MARCHF5: variants seen among roughly 807,000 people sequenced by gnomAD.
MARCHF5 encodes membrane associated ring-CH-type finger 5, also known as E3 ubiquitin-protein ligase MARCHF5.
Under a neutral mutation model 36.5 loss-of-function variants are expected in MARCHF5, and 5 were observed. The ratio of observed to expected loss-of-function variants is 0.14; its 90% CI spans 0.07 to 0.29. MARCHF5 has a LOEUF of 0.29. Among genes scored for constraint, MARCHF5 ranks in the 10% least tolerant of loss-of-function variants. MARCHF5 has a pLI of 1.00. For synonymous variants in MARCHF5, 103 were observed against 109.9 expected (o/e 0.94, Z 0.39); for missense variants, 179 against 336.3 (o/e 0.53, Z 3.66).
intron 3 of MARCHF5, among the ~76,000 whole-genome samples, chr10:92,347,291 C>T (rs971149777): frequency 4.6e-5 from 7 of 152,250 alleles, no homozygotes; most frequent in African/African-American, 1.7e-4. Context: ...CGAGACCAAC[C>T]TGGCTAACGT....
chr10:92,347,664 T>C (rs1344436033), intron 3 of MARCHF5, among the ~76,000 whole-genome samples: 1 of 152,190 alleles, frequency 6.6e-6, no homozygotes, highest in Non-Finnish European at 1.5e-5. Context: ...CCAGACCATT[T>C]CACTTTAGGG....
At position 92,353,228 on chromosome 10, in the gene MARCHF5, T is replaced by G. The variant is rs945554783; in HGVS notation, c.*2021T>G. The G allele has an allele frequency of 1.3e-5, 2 of 152,146 alleles. No individual in the cohort carries two copies. Among genetic ancestry groups the G allele is most frequent in the African/African-American group, 4.8e-5 (2 of 41,418 alleles). 9.4% of individuals were successfully genotyped at this position (152,146 alleles called of 1,614,324 possible). ...ACACTTTTAAACCTAAAGAGCCTTA[T>G]TATTATTAGCTCGAGAAATACCACA... On this transcript the variant is annotated 3_prime_UTR_variant, in exon 6 of 6. Transcript: ENST00000358935.
intron 1 of MARCHF5, among the ~76,000 whole-genome samples, chr10:92,301,272 C>T (rs1843008544): frequency 6.6e-6 from 1 of 152,194 alleles, no homozygotes; most frequent in African/African-American, 2.4e-5. Context: ...GGATTTGCCT[C>T]TCTGGAGGAA....
intron 1 of MARCHF5, among the ~76,000 whole-genome samples, chr10:92,292,143 C>T (rs1842882800): frequency 6.6e-6 from 1 of 150,712 alleles, no homozygotes; most frequent in African/African-American, 2.4e-5. Flanking sequence ...CAACGCTGAA[C>T]ATTTAGTGTA....
At chr10:92,295,403 A>ATTT (rs1218569309) in intron 1 of MARCHF5, among the ~76,000 whole-genome samples, 2 of 67,584 alleles carry the variant, frequency 3.0e-5, no homozygotes, top group Non-Finnish European at 6.4e-5. Flanking sequence ...TTATTTATTT[A>ATTT]TTTATTTTTT....
chr10:92,292,637 A>G (rs1279054161), intron 1 of MARCHF5, among the ~76,000 whole-genome samples: 1 of 152,236 alleles, frequency 6.6e-6, no homozygotes, highest in African/African-American at 2.4e-5. Context: ...CTCAGTTAAT[A>G]GGAATTATGT....
intron 1 of MARCHF5, among the ~76,000 whole-genome samples, chr10:92,302,947 A>G (rs890084696): frequency 4.6e-5 from 7 of 152,178 alleles, no homozygotes; most frequent in Admixed American, 1.3e-4. Context: ...TCACTCTTCT[A>G]TTCTGCTACA....
intron 2 of MARCHF5, among the ~76,000 whole-genome samples, chr10:92,318,332 G>A (rs1357016536): frequency 1.3e-5 from 2 of 151,458 alleles, no homozygotes; most frequent in Admixed American, 6.6e-5. Flanking sequence ...AGGCTGAGGC[G>A]CTAGAATCAC....
At chr10:92,340,955 A>G in intron 3 of MARCHF5, 152 bp downstream of exon 3, 1 of 648,782 alleles carries the variant, frequency 1.5e-6, no homozygotes, top group Non-Finnish European at 2.4e-6. Flanking sequence ...TCTTTACCCA[A>G]AAAGGAGCAT....
chr10:92,300,843 C>G (rs1055328038), intron 1 of MARCHF5, among the ~76,000 whole-genome samples: 1 of 150,622 alleles, frequency 6.6e-6, no homozygotes, highest in Non-Finnish European at 1.5e-5. Flanking sequence ...ATATTTTTCT[C>G]TTCTTCTCCA....
chr10:92,303,902 T>C (rs1467406149), intron 1 of MARCHF5, among the ~76,000 whole-genome samples: 1 of 152,234 alleles, frequency 6.6e-6, no homozygotes, highest in Admixed American at 6.5e-5. Context: ...ATTTGTTCTT[T>C]GTTCCCTGAA....
rs1360760490 is a variant in MARCHF5, at chr10:92,349,968, C to G, written c.720+131C>G. 1.3e-5 allele frequency: 9 copies of G among 685,080 alleles called. No homozygotes were observed. In the African/African-American group the frequency reaches 1.4e-4, roughly 11 times the overall value. 42.4% of individuals were successfully genotyped at this position (685,080 alleles called of 1,614,324 possible). On this transcript the variant is annotated intron_variant, in intron 5 of 5. Transcript: ENST00000358935. ...GCATTAAGCCTCTATTTGAGCCTCA[C>G]TATCATTCAATAGCTTGAGTGGAAA...
In MARCHF5 at chr10:92,347,521, G is replaced by A. The variant is rs2488800; in HGVS notation, c.370-1828G>A. Among the ~76,000 whole-genome samples the A allele has an allele frequency of 9.3e-5, 6 of 64,330 alleles. 1 individual carries two copies. Among genetic ancestry groups the A allele is most frequent in the African/African-American group, 2.9e-4 (6 of 20,422 alleles). The allele number at this position is 64,330 out of a possible 152,430, so 42.2% of individuals were successfully genotyped here. On this transcript the variant is annotated intron_variant, in intron 3 of 5. Coordinates refer to ENST00000358935, the MANE Select transcript of MARCHF5 (RefSeq NM_017824.5). ...AGATAGATAGATAGATAGATAGATAGATGATAGATATATAGATAGATAGAT... is the reference window on the plus strand; with the variant it reads ...AGATAGATAGATAGATAGATAGATAAATGATAGATATATAGATAGATAGAT...
intron 2 of MARCHF5, among the ~76,000 whole-genome samples, chr10:92,330,648 G>A (rs1013675010): frequency 6.6e-6 from 1 of 152,120 alleles, no homozygotes; most frequent in Non-Finnish European, 1.5e-5. Flanking sequence ...CTACTCCACT[G>A]TCCTATAATG....
intron 3 of MARCHF5, among the ~76,000 whole-genome samples, chr10:92,348,330 A>T (rs1342531903): frequency 1.3e-5 from 2 of 151,988 alleles, no homozygotes; most frequent in Non-Finnish European, 2.9e-5. Context: ...CTCTACTAAA[A>T]ATACACAAAT....
chr10:92,320,058 A>G (rs7088550), intron 2 of MARCHF5, among the ~76,000 whole-genome samples: 8 of 150,396 alleles, frequency 5.3e-5, no homozygotes, highest in African/African-American at 2.0e-4. Flanking sequence ...TGCAAAAAAA[A>G]TTTTTTTAAT....
At chr10:92,301,752 T>C (rs569669300) in intron 1 of MARCHF5, among the ~76,000 whole-genome samples, 1 of 152,298 alleles carries the variant, frequency 6.6e-6, no homozygotes, top group African/African-American at 2.4e-5. Flanking sequence ...ACGTTCTCTC[T>C]AGATTACATA....
intron 3 of MARCHF5, 55 bp downstream of exon 3, chr10:92,340,858 A>G (rs1048079391): frequency 2.2e-6 from 3 of 1,389,354 alleles, no homozygotes; most frequent in Non-Finnish European, 2.9e-6. Flanking sequence ...CTATTAAAAC[A>G]TTTTTTGTTA....
intron 1 of MARCHF5, among the ~76,000 whole-genome samples, chr10:92,293,091 C>T (rs1564940391): frequency 6.6e-6 from 1 of 152,004 alleles, no homozygotes; most frequent in Non-Finnish European, 1.5e-5. Context: ...TACATAGTGA[C>T]TTTTTTTCTT....
Sources: gnomAD v4.1 joint callset for allele counts (sites outside exome capture counted in the v4.1 genomes callset) on GRCh38, gnomAD v4.1.1 for gene constraint, MANE v1.5 for transcripts, NCBI Gene and HGNC (gene_info 2026-07-23, HGNC 2026-07-21) for gene names.